FMN2: variants seen among roughly 807,000 people sequenced by gnomAD.
The protein encoded by FMN2 is formin-2.
Under a neutral mutation model 142.3 loss-of-function variants are expected in FMN2, and 51 were observed. The observed-to-expected ratio is 0.36, with a 90% CI of 0.29 to 0.45. The LOEUF is 0.45. Ranked by LOEUF, FMN2 falls within the 20% of genes least tolerant of loss-of-function variation. The probability of loss-of-function intolerance (pLI) is 1.00; values close to 1 mark genes in which losing one functional copy is unlikely to be tolerated. For synonymous variants in FMN2, 882 were observed against 869.8 expected, an observed-to-expected ratio of 1.01 and a Z score of -0.25; for missense variants, 1,936 against 2,122.8, an observed-to-expected ratio of 0.91 and a Z score of 1.73.
chr1:240,263,848 T>G (rs1255019396), intron 7 of FMN2, among the ~76,000 whole-genome samples: 1 of 152,150 alleles, frequency 6.6e-6, no homozygotes, highest in Admixed American at 6.5e-5. Context: ...CTTCCTGTCT[T>G]TTATATATGT....
chr1:240,334,180 G>C lies in FMN2; in HGVS notation c.4716G>C (p.Lys1572Asn). The C allele has an allele frequency of 6.2e-6, 10 of 1,607,562 alleles. No individual in the cohort carries two copies. The highest frequency in any genetic ancestry group is 8.5e-6 in the Non-Finnish European group (10 of 1,178,314). ...PQDLFQASQMKFEDFQKDLRK... is the reference protein window; with the variant it reads ...PQDLFQASQMNFEDFQKDLRK... Reference sequence around the variant, plus strand: ...ACCTTTTTCAGGCCTCACAGATGAAGTTTGAAGATTTTCAAAAAGATCTCA... The same window carrying C: ...ACCTTTTTCAGGCCTCACAGATGAACTTTGAAGATTTTCAAAAAGATCTCA... The change falls in exon 13 of 18, where the codon AAG becomes AAC. Residue 1572 changes from lysine (K) to asparagine (N), a missense_variant. Lys to Asn is a moderately conservative substitution (Grantham distance 94). Coordinates refer to ENST00000319653, the MANE Select transcript of FMN2 (RefSeq NM_020066.5).
At chr1:240,179,180 G>A (rs192881626) in intron 3 of FMN2, 25 of 152,270 alleles carry the variant, frequency 1.6e-4, no homozygotes, top group Non-Finnish European at 3.1e-4. Flanking sequence ...GCCTAGCTCC[G>A]TGTATTTAAT....
At chr1:240,292,689 G>A (rs1333647408) in intron 7 of FMN2, among the ~76,000 whole-genome samples, 2 of 152,166 alleles carry the variant, frequency 1.3e-5, no homozygotes, top group Non-Finnish European at 2.9e-5. Context: ...TAGACATTTT[G>A]ATCTAAGTCC....
At chr1:240,385,025 G>T (rs936015425) in intron 14 of FMN2, among the ~76,000 whole-genome samples, 9 of 152,078 alleles carry the variant, frequency 5.9e-5, no homozygotes, top group African/African-American at 1.9e-4. Context: ...CCCCAACAAA[G>T]CTAGACATTC....
Position 240,318,300 on chromosome 1 carries a change from C to T in FMN2, c.4216-10776C>T, listed in dbSNP as rs77921860. On this transcript the variant is annotated intron_variant, in intron 8 of 17. Coordinates refer to ENST00000319653, the MANE Select transcript of FMN2 (RefSeq NM_020066.5). The stretch of plus-strand genomic sequence containing the variant: ...TTAACACCTCAATGGGACAGTTTTT[C>T]ATTTGGTGTTTGGCCTAGGGCAGGT... 2.4e-3 allele frequency among the ~76,000 whole-genome samples: 364 copies of T among 152,312 alleles called. 4 individuals carry two copies. The East Asian group carries it at 0.048, about 20-fold the overall frequency.
At chr1:240,296,214 A>G (rs1230462514) in intron 8 of FMN2, among the ~76,000 whole-genome samples, 1 of 95,086 alleles carries the variant, frequency 1.1e-5, no homozygotes, top group Non-Finnish European at 2.2e-5. Context: ...TTTTTTTTTA[A>G]CAAAGGTGGT....
At chr1:240,164,534 C>T (rs1336292498) in intron 2 of FMN2, among the ~76,000 whole-genome samples, 4 of 152,088 alleles carry the variant, frequency 2.6e-5, no homozygotes, top group Non-Finnish European at 5.9e-5. Context: ...TGCAAGCCTG[C>T]TAGGTGACAA....
At position 240,188,221 on chromosome 1, in the gene FMN2, G is replaced by C. The variant is rs770223948; in HGVS notation, c.1945G>C (p.Val649Leu). 3 of 1,613,792 alleles carry C rather than the reference G, an allele frequency of 1.9e-6. No homozygotes were observed. The highest frequency in any genetic ancestry group is 2.5e-6 in the Non-Finnish European group (3 of 1,179,894). ...TTCCAATCTAGAATCTCAATCTGCT[G>C]TTTCAGAAACTCCCCAAAAACGCTC... is the stretch of plus-strand genomic sequence containing the variant. Reference protein sequence around the residue: ...EDAETESQSAVSETPQKRSDA... With the variant: ...EDAETESQSALSETPQKRSDA... The change falls in exon 4 of 18, where the codon GTT becomes CTT. Residue 649 changes from valine (V) to leucine (L), a missense_variant. Around this residue, in one of 8 missense-constraint regions of FMN2, gnomAD observed 478 missense variants for 462.8 expected, o/e 1.03. Transcript: ENST00000319653.
At position 240,468,206 on chromosome 1, in the gene FMN2, A is replaced by ATATGTGTGTGTGTGTG. The variant is rs374934885; in HGVS notation, c.5061-4165_5061-4164insATGTGTGTGTGTGTGT. On this transcript the variant is annotated intron_variant, in intron 16 of 17. Transcript: ENST00000319653. ...AATGCATCCACTAAAATATATATAT[A>ATATGTGTGTGTGTGTG]TGTGTGTGTGTGTGTGTGTGTGTGT... Among the ~76,000 whole-genome samples, 375 of 147,968 alleles carry ATATGTGTGTGTGTGTG rather than the reference A, an allele frequency of 2.5e-3. 3 individuals carry two copies. Among genetic ancestry groups the ATATGTGTGTGTGTGTG allele is most frequent in the African/African-American group, 8.0e-3 (321 of 39,984 alleles).
chr1:240,405,575 G>A (rs1241853802), intron 15 of FMN2, among the ~76,000 whole-genome samples: 3 of 150,768 alleles, frequency 2.0e-5, no homozygotes, highest in Non-Finnish European at 2.9e-5. Context: ...CTGAGGTTGC[G>A]CCACTGCACT....
Position 240,093,633 on chromosome 1 carries a change from G to T in FMN2, c.1524G>T (p.Ala508=). The part of the protein sequence containing the change: ...GSAHLLERGV[A]SDSGGGVSPA... ...CGCACCTGCTGGAGCGCGGGGTGGC[G>T]AGTGACAGCGGCGGTGGGGTGTCCC... Residue 508 remains alanine (A), a synonymous_variant, in exon 1 of 18, where the codon GCG becomes GCT. Coordinates refer to ENST00000319653, the MANE Select transcript of FMN2 (RefSeq NM_020066.5). The T allele has an allele frequency of 7.0e-7, 1 of 1,422,390 alleles. No individual in the cohort carries two copies. Among genetic ancestry groups the T allele is most frequent in the South Asian group, 1.6e-5 (1 of 62,790 alleles). The allele number at this position is 1,422,390 out of a possible 1,614,324, so 88.1% of individuals were successfully genotyped here. A position where few individuals can be genotyped will look rare whatever the true frequency, so the allele number is the denominator to read the frequency against.
intron 2 of FMN2, chr1:240,144,476 T>C (rs1663346024): frequency 6.4e-7 from 1 of 1,557,234 alleles, no homozygotes; most frequent in Non-Finnish European, 8.9e-7. Flanking sequence ...GAACACCCCA[T>C]GCCAGCCTAG....
intron 4 of FMN2, among the ~76,000 whole-genome samples, chr1:240,202,373 C>T (rs952081840): frequency 6.6e-6 from 1 of 152,102 alleles, no homozygotes; most frequent in Non-Finnish European, 1.5e-5. Flanking sequence ...CCTCTGTTAC[C>T]ACTAACTTGG....
rs1006372306 is a variant in FMN2 at position 240,474,671 on chromosome 1, T to C, written c.*517T>C. 2 of 152,592 alleles carry C rather than the reference T, an allele frequency of 1.3e-5. No homozygotes were observed. The highest frequency in any genetic ancestry group is 4.8e-5 in the African/African-American group (2 of 41,462). 9.5% of individuals were successfully genotyped at this position (152,592 alleles called of 1,614,324 possible). ...TTTATAATCAGTGCTTTCCCAACTC[T>C]TGGGTTGCTCTCCATAACTATGTAT... On this transcript the variant is annotated 3_prime_UTR_variant, in exon 18 of 18. Coordinates refer to ENST00000319653, the MANE Select transcript of FMN2 (RefSeq NM_020066.5).
intron 6 of FMN2, among the ~76,000 whole-genome samples, chr1:240,226,198 T>C (rs1572089431): frequency 6.6e-6 from 1 of 152,114 alleles, no homozygotes; most frequent in East Asian, 1.9e-4. Context: ...AGAAGTTCAA[T>C]GAATTCCTCA....
intron 6 of FMN2, among the ~76,000 whole-genome samples, chr1:240,249,156 G>A (rs1362375024): frequency 6.6e-6 from 1 of 151,996 alleles, no homozygotes; most frequent in African/African-American, 2.4e-5. Context: ...TGAGGTCTTA[G>A]CCATAAAATC....
At chr1:240,170,975 T>C in intron 2 of FMN2, 1 of 794,720 alleles carries the variant, frequency 1.3e-6, no homozygotes, top group Non-Finnish European at 2.3e-6. Context: ...TTTGAATGTA[T>C]TAGGAATGTC....
At chr1:240,245,555 G>A (rs1668049534) in intron 6 of FMN2, 2 of 471,432 alleles carry the variant, frequency 4.2e-6, no homozygotes, top group Non-Finnish European at 8.8e-6. Flanking sequence ...GAGCTCATTA[G>A]GCAGAGGATG....
rs140763480 is a variant in FMN2 at position 240,244,012 on chromosome 1, T to C, written c.4066-13933T>C. On this transcript the variant is annotated intron_variant, in intron 6 of 17. Coordinates refer to ENST00000319653, the MANE Select transcript of FMN2 (RefSeq NM_020066.5). ...CTGGATATACCACCTTGTGCTCTAA[T>C]GTCGTTTGAGAAACAACAGTTTTCA... is the stretch of plus-strand genomic sequence containing the variant. 2.9e-3 allele frequency among the ~76,000 whole-genome samples: 447 copies of C among 152,360 alleles called. 2 individuals are homozygous for C. The highest frequency in any genetic ancestry group is 6.8e-3 in the Admixed American group (104 of 15,310).
Sources: gnomAD v4.1 joint callset for allele counts (sites outside exome capture counted in the v4.1 genomes callset) on GRCh38, gnomAD v4.1.1 for gene constraint, gnomAD v4.1.1 regional missense constraint, MANE v1.5 for transcripts, NCBI Gene and HGNC (gene_info 2026-07-23, HGNC 2026-07-21) for gene names.